OXR1: variants seen among roughly 807,000 people sequenced by gnomAD.
OXR1 encodes the protein oxidation resistance 1, also known as oxidation resistance protein 1.
Under a neutral mutation model 104.6 loss-of-function variants are expected in OXR1, and 41 were observed. The ratio of observed to expected loss-of-function variants is 0.39; its 90% CI spans 0.31 to 0.51. OXR1 has a LOEUF of 0.51. Among genes scored for constraint, OXR1 ranks in the 20% least tolerant of loss-of-function variants. OXR1 has a pLI of 0.77. For missense variants in OXR1, 955 were observed against 1,031.9 expected (o/e 0.93, Z 1.02); for synonymous variants, 348 against 348.4 (o/e 1.00, Z 0.01).
intron 3 of OXR1, among the ~76,000 whole-genome samples, chr8:106,617,837 A>C (rs1821366276): frequency 6.6e-5 from 10 of 152,192 alleles, no homozygotes. Flanking sequence ...GAGTCTTGTG[A>C]TCTCACTCCA....
At chr8:106,272,718 T>C (rs896326783) in intron 1 of OXR1, 2 of 152,220 alleles carry the variant, frequency 1.3e-5, no homozygotes, top group African/African-American at 4.8e-5. Context: ...TGAAATATGT[T>C]GATTATTCTG....
intron 3 of OXR1, among the ~76,000 whole-genome samples, chr8:106,579,816 A>G (rs974508230): frequency 6.6e-6 from 1 of 152,000 alleles, no homozygotes; most frequent in Non-Finnish European, 1.5e-5. Context: ...TAGTTCTTCA[A>G]TTCAGTGAGT....
At chr8:106,643,932 T>C (rs1192610109) in intron 3 of OXR1, among the ~76,000 whole-genome samples, 1 of 152,246 alleles carries the variant, frequency 6.6e-6, no homozygotes, top group Non-Finnish European at 1.5e-5. Context: ...GTATTCTTTG[T>C]AGCTCTTAAA....
chr8:106,520,058 GA>G (rs1362542105), intron 3 of OXR1, among the ~76,000 whole-genome samples: 1 of 152,252 alleles, frequency 6.6e-6, no homozygotes, highest in Non-Finnish European at 1.5e-5. Context: ...TCAATTTGGA[GA>G]GATTTGGTCA....
intron 14 of OXR1, among the ~76,000 whole-genome samples, chr8:106,740,869 A>T (rs1290733608): frequency 6.6e-6 from 1 of 152,158 alleles, no homozygotes; most frequent in Non-Finnish European, 1.5e-5. Context: ...ATTAAAGATA[A>T]TTGTTTGAAG....
chr8:106,718,667 G>C (rs1314707992), intron 11 of OXR1, among the ~76,000 whole-genome samples: 1 of 151,370 alleles, frequency 6.6e-6, no homozygotes, highest in South Asian at 2.1e-4. Flanking sequence ...GTGAAACCCC[G>C]TCTCTACTAA....
intron 3 of OXR1, among the ~76,000 whole-genome samples, chr8:106,586,885 GTGGTGGGTCTC>G (rs1452851054): frequency 6.6e-6 from 1 of 152,180 alleles, no homozygotes; most frequent in Non-Finnish European, 1.5e-5. Flanking sequence ...GTTCAGTGCA[GTGGTGGGTCTC>G]TAGGCCCACT....
intron 2 of OXR1, among the ~76,000 whole-genome samples, chr8:106,405,202 AGTGTGTGT>A (rs58338664): frequency 5.0e-5 from 1 of 20,040 alleles, no homozygotes; most frequent in African/African-American, 2.7e-4. Flanking sequence ...ATATATATAT[AGTGTGTGT>A]GTGTGTGTGT....
At chr8:106,657,840 C>T in intron 3 of OXR1, 1 of 1,237,734 alleles carries the variant, frequency 8.1e-7, no homozygotes, top group Non-Finnish European at 1.0e-6. Flanking sequence ...GAGGGACGCC[C>T]CCTCCTCCTC....
Position 106,368,636 on chromosome 8 carries a change from T to C in OXR1, c.23+9000T>C, listed in dbSNP as rs149762420. On this transcript the variant is annotated intron_variant, in intron 2 of 16. Coordinates refer to ENST00000517566, the MANE Select transcript of OXR1 (RefSeq NM_001198533.2). ...TCAATGTTCAACTCTTGCTTATGAG[T>C]GAGAACACACACGGTGTTTGGTTTT... Among the ~76,000 whole-genome samples the C allele has an allele frequency of 4.1e-3, 622 of 151,980 alleles. 4 individuals are homozygous for C. Among genetic ancestry groups the C allele is most frequent in the African/African-American group, 0.014 (590 of 41,430 alleles).
At chr8:106,330,238 G>A (rs1814653746) in intron 1 of OXR1, among the ~76,000 whole-genome samples, 1 of 152,214 alleles carries the variant, frequency 6.6e-6, no homozygotes, top group Admixed American at 6.5e-5. Context: ...ACTGCTGGAT[G>A]AGGACAACTA....
intron 3 of OXR1, among the ~76,000 whole-genome samples, chr8:106,604,041 A>G (rs1563636810): frequency 6.6e-6 from 1 of 152,178 alleles, no homozygotes; most frequent in Non-Finnish European, 1.5e-5. Context: ...CAACAGAGTG[A>G]GACTCCATCT....
intron 3 of OXR1, among the ~76,000 whole-genome samples, chr8:106,521,189 C>T (rs187907147): frequency 2.0e-5 from 3 of 152,228 alleles, no homozygotes; most frequent in Admixed American, 1.3e-4. Flanking sequence ...TTGAAAGTTC[C>T]CTTTACAAAA....
At chr8:106,435,893 A>G (rs1170417776) in intron 2 of OXR1, among the ~76,000 whole-genome samples, 1 of 152,172 alleles carries the variant, frequency 6.6e-6, no homozygotes, top group Non-Finnish European at 1.5e-5. Flanking sequence ...GGTCATACAA[A>G]TATGACCAAA....
intron 3 of OXR1, among the ~76,000 whole-genome samples, chr8:106,660,778 C>T (rs1177498910): frequency 2.0e-5 from 3 of 152,042 alleles, no homozygotes; most frequent in African/African-American, 4.8e-5. Flanking sequence ...TTTGGGAGGC[C>T]GAGACGGGCG....
At chr8:106,534,440 A>G (rs574525955) in intron 3 of OXR1, among the ~76,000 whole-genome samples, 1 of 152,348 alleles carries the variant, frequency 6.6e-6, no homozygotes, top group African/African-American at 2.4e-5. Context: ...TTACAGAGAC[A>G]TCCCTGTAGT....
chr8:106,292,192 T>A lies in OXR1; in HGVS notation c.-139+21825T>A, dbSNP rs921264118. 3.3e-5 allele frequency among the ~76,000 whole-genome samples: 5 copies of A among 152,192 alleles called. No homozygotes were observed. The East Asian group carries it at 9.6e-4, about 29-fold the overall frequency. ...TGTATTCAAGTCATCCTTATTTTAC[T>A]ATTCATAATGGCCCCAAAGCACAAG... On this transcript the variant is annotated intron_variant, in intron 1 of 16. Transcript: ENST00000517566.
intron 2 of OXR1, among the ~76,000 whole-genome samples, chr8:106,483,154 G>A (rs549122179): frequency 6.6e-6 from 1 of 152,042 alleles, no homozygotes; most frequent in East Asian, 1.9e-4. Context: ...CTTCACAGTA[G>A]TCAGCTGAGA....
At chr8:106,312,706 T>C (rs1455638968) in intron 1 of OXR1, among the ~76,000 whole-genome samples, 1 of 152,188 alleles carries the variant, frequency 6.6e-6, no homozygotes, top group Non-Finnish European at 1.5e-5. Flanking sequence ...AGAATGAAAA[T>C]AACAAATGTC....
Sources: gnomAD v4.1 joint callset for allele counts (sites outside exome capture counted in the v4.1 genomes callset) on GRCh38, gnomAD v4.1.1 for gene constraint, MANE v1.5 for transcripts, NCBI Gene and HGNC (gene_info 2026-07-23, HGNC 2026-07-21) for gene names.